The following SDAD1 variants were observed in gnomAD, a reference collection of about 807,000 sequenced individuals.
The protein encoded by SDAD1 is SDA1 domain containing 1, also known as protein SDA1 homolog.
Under a neutral mutation model 100.3 loss-of-function variants are expected in SDAD1, and 79 were observed. The observed-to-expected ratio is 0.79, with a 90% CI of 0.66 to 0.95. SDAD1 has a LOEUF of 0.95. SDAD1 is among the 40% of genes least tolerant of loss of function. SDAD1 has a pLI of 0.00. For synonymous variants in SDAD1, 267 were observed against 271.4 expected (o/e 0.98, Z 0.16); for missense variants, 790 against 810.9 (o/e 0.97, Z 0.31).
In SDAD1 at chr4:75,958,284, C is replaced by A. The variant is rs367585144; in HGVS notation, c.1484-343G>T. On this transcript the variant is annotated intron_variant, in intron 17 of 21. Coordinates refer to ENST00000356260, the MANE Select transcript of SDAD1 (RefSeq NM_018115.4). ...CTGAAATCATGAAAATCATGTCTAC[C>A]TTTAGGGTCATGTTCTTTCAACTAA... 5.3e-5 allele frequency among the ~76,000 whole-genome samples: 8 copies of A among 152,292 alleles called. No homozygotes were observed. In the South Asian group the frequency reaches 1.0e-3, roughly 20 times the overall value.
intron 12 of SDAD1, among the ~76,000 whole-genome samples, chr4:75,966,194 T>G (rs979807296): frequency 2.0e-5 from 3 of 152,012 alleles, no homozygotes; most frequent in Non-Finnish European, 4.4e-5. Flanking sequence ...TTACGTTTAC[T>G]GTGGAATTCG....
At chr4:75,979,820 A>G (rs1730394335) in intron 3 of SDAD1, among the ~76,000 whole-genome samples, 1 of 152,074 alleles carries the variant, frequency 6.6e-6, no homozygotes, top group African/African-American at 2.4e-5. Context: ...ATATACATAC[A>G]CATTTTTTTC....
At chr4:75,972,330 T>G (rs375965672) in intron 8 of SDAD1, among the ~76,000 whole-genome samples, 7 of 151,902 alleles carry the variant, frequency 4.6e-5, no homozygotes, top group African/African-American at 1.7e-4. Context: ...ACAGTAAACC[T>G]TGCTACTGCT....
At chr4:75,967,226 G>T in intron 12 of SDAD1, 51 bp downstream of exon 12, 1 of 1,541,226 alleles carries the variant, frequency 6.5e-7, no homozygotes, top group Non-Finnish European at 9.0e-7. Flanking sequence ...GACTTTGCAT[G>T]TTTATTCTAT....
rs1343297573 is a variant in SDAD1, at chr4:75,990,834, T to C, written c.8A>G (p.Asn3Ser). The stretch of plus-strand genomic sequence containing the variant: ...GCTGGGAAGCTTGTTGTTGTTTCTG[T>C]TGGACATTTTGGCTGCAGACAGACT... The part of the protein sequence containing the change: MS[N>S]RNNNKLPSNL... The change falls in exon 1 of 22, where the codon AAC (asparagine) becomes AGC (serine). Residue 3 changes from asparagine (N) to serine (S), a missense_variant. Physicochemically the swap from Asn to Ser is conservative, Grantham distance 46. Transcript: ENST00000356260. 1.2e-6 allele frequency: 2 copies of C among 1,613,978 alleles called. No homozygotes were observed. Among genetic ancestry groups the C allele is most frequent in the African/African-American group, 1.3e-5 (1 of 74,892 alleles).
chr4:75,977,545 A>G (rs1280333652), intron 4 of SDAD1, 101 bp downstream of exon 4: 41 of 790,516 alleles, frequency 5.2e-5, no homozygotes, highest in South Asian at 3.6e-4. Context: ...TTTTCCTGTT[A>G]AAGTTATTAT....
intron 6 of SDAD1, among the ~76,000 whole-genome samples, chr4:75,974,503 G>A (rs1284526742): frequency 6.6e-6 from 1 of 151,148 alleles, no homozygotes; most frequent in Non-Finnish European, 1.5e-5. Flanking sequence ...ATCACTGGAG[G>A]CCAAGAGTTC....
rs1359877194 is a variant in SDAD1, at chr4:75,979,003, AAAAAAAAAT to A, written c.295-1256_295-1248del. On this transcript the variant is annotated intron_variant, in intron 3 of 21. Transcript: ENST00000356260. ...CTCAGAAAAAAAAAAAAAAAAAAAA[AAAAAAAAAT>A]TCAGGGAAATTGCTAAAAGGACTAA... Among the ~76,000 whole-genome samples, 9 of 149,196 alleles carry A rather than the reference AAAAAAAAAT, an allele frequency of 6.0e-5. No homozygotes were observed. In the East Asian group the frequency reaches 1.8e-3, roughly 29 times the overall value.
In SDAD1 at chr4:75,961,088, A is replaced by G; in HGVS notation, c.1296T>C (p.Ala432=). The G allele has an allele frequency of 1.2e-6, 2 of 1,614,124 alleles. No individual in the cohort carries two copies. The highest frequency in any genetic ancestry group is 1.7e-6 in the Non-Finnish European group (2 of 1,179,954). Residue 432 remains alanine, a synonymous_variant, in exon 16 of 22, where the codon GCT becomes GCC. Transcript: ENST00000356260. ...TTCGGAAGAGGTGAATCAAAGTTCT[A>G]GCAGACATCATTACATCTGTAAAAT... ...THKDKNVMMS[A]RTLIHLFRTL... is the part of the protein sequence containing the mutation.
chr4:75,970,470 A>G, intron 9 of SDAD1, 92 bp from the exon 10 acceptor site: 1 of 868,038 alleles, frequency 1.2e-6, no homozygotes, highest in Non-Finnish European at 1.8e-6. Context: ...TAAGTCCATT[A>G]GACTCTTTAA....
intron 1 of SDAD1, among the ~76,000 whole-genome samples, chr4:75,989,117 G>A (rs1578156729): frequency 6.6e-6 from 1 of 152,176 alleles, no homozygotes; most frequent in Non-Finnish European, 1.5e-5. Flanking sequence ...GGGCCTAAGA[G>A]GCTCTGAATA....
chr4:75,958,071 T>C, intron 17 of SDAD1, 130 bp from the exon 18 acceptor site: 1 of 761,992 alleles, frequency 1.3e-6, no homozygotes, highest in Non-Finnish European at 2.3e-6. Context: ...CTGAGCAATA[T>C]TTATTGTTAA....
intron 20 of SDAD1, 22 bp downstream of exon 20, chr4:75,957,303 T>G (rs1440832623): frequency 5.0e-6 from 8 of 1,590,414 alleles, no homozygotes; most frequent in Non-Finnish European, 6.9e-6. Flanking sequence ...TTTAAAAAAC[T>G]AGGAATGATA....
At chr4:75,967,458 G>A (rs1729614675) in intron 11 of SDAD1, 124 bp from the exon 12 acceptor site, 1 of 785,156 alleles carries the variant, frequency 1.3e-6, no homozygotes, top group Admixed American at 2.2e-5. Flanking sequence ...TTCTCAGTAA[G>A]CAATCATGCC....
Position 75,977,690 on chromosome 4 carries a change from G to A in SDAD1, c.361C>T (p.Leu121Phe), listed in dbSNP as rs1428131000. 8.1e-6 allele frequency: 13 copies of A among 1,613,468 alleles called. No individual in the cohort carries two copies. The highest frequency in any genetic ancestry group is 1.1e-5 in the Non-Finnish European group (13 of 1,179,776). ...TGGCAACGAAAAAGTTCAAAGAAGA[G>A]TTCTAGCAGGCTTGATGGATTGATG... ...NLINPSSLLELFFELFRCHDK... is the reference protein window; with the variant it reads ...NLINPSSLLEFFFELFRCHDK... The change falls in exon 4 of 22, where the codon CTC (leucine) becomes TTC (phenylalanine). Residue 121 changes from leucine to phenylalanine, a missense_variant. By Grantham distance (22) the Leu-to-Phe change is conservative. Transcript: ENST00000356260.
At chr4:75,979,479 A>AT (rs199942501) in intron 3 of SDAD1, among the ~76,000 whole-genome samples, 147 of 146,342 alleles carry the variant, frequency 1.0e-3, no homozygotes, top group African/African-American at 2.1e-3. Flanking sequence ...TATTATTATT[A>AT]TTTTTTTTTT....
At chr4:75,972,163 ACTGACCTCAAGTGAT>A (rs994423526) in intron 8 of SDAD1, among the ~76,000 whole-genome samples, 14 of 151,884 alleles carry the variant, frequency 9.2e-5, no homozygotes, top group Admixed American at 1.3e-4. Context: ...GTTTTGAACT[ACTGACCTCAAGTGAT>A]CTGCCCGCCT....
Position 75,981,934 on chromosome 4 carries a change from T to A in SDAD1, c.194A>T (p.Gln65Leu). 3.8e-6 allele frequency: 6 copies of A among 1,597,236 alleles called. No individual in the cohort carries two copies. The highest frequency in any genetic ancestry group is 5.1e-6 in the Non-Finnish European group (6 of 1,169,486). The change falls in exon 2 of 22, where the codon CAG (glutamine) becomes CTG (leucine). Residue 65 changes from glutamine (Q) to leucine (L), a missense_variant and splice_region_variant. Gln to Leu is a moderately radical substitution (Grantham distance 113, BLOSUM62 -2). Transcript: ENST00000356260. ...TTATTTAAGCAATTATATTCTTACCTGTGCCATAAACATCACCAGCTCTGC... is the reference window on the plus strand; with the variant it reads ...TTATTTAAGCAATTATATTCTTACCAGTGCCATAAACATCACCAGCTCTGC... ...ELAELVMFMA[Q>L]ISHCYPEYLS...
At position 75,955,971 on chromosome 4, in the gene SDAD1, T is replaced by C. The variant is rs768576260; in HGVS notation, c.2016+4A>G. Reference sequence around the variant, plus strand: ...TTGCCACCCAAGCTTCAAGTGGAACTCACCTGTTTTTCTCGGAAGGAACGC... The same window carrying C: ...TTGCCACCCAAGCTTCAAGTGGAACCCACCTGTTTTTCTCGGAAGGAACGC... On this transcript the variant is annotated splice_donor_region_variant and intron_variant, in intron 21 of 21. Transcript: ENST00000356260. 1.9e-6 allele frequency: 3 copies of C among 1,591,746 alleles called. No homozygotes were observed. Among genetic ancestry groups the C allele is most frequent in the Non-Finnish European group, 2.6e-6 (3 of 1,174,082 alleles).
Sources: allele counts gnomAD v4.1 joint callset (sites outside exome capture counted in the v4.1 genomes callset), GRCh38; gene constraint gnomAD v4.1.1; transcripts MANE v1.5; gene names NCBI Gene and HGNC (gene_info 2026-07-23, HGNC 2026-07-21).